Variants in DSCAM observed in about 807,000 individuals in gnomAD.
The protein encoded by DSCAM is DS cell adhesion molecule, also known as cell adhesion molecule DSCAM.
Under a neutral mutation model 217.7 loss-of-function variants are expected in DSCAM, and 47 were observed. The observed-to-expected ratio is 0.22, with a 90% CI of 0.17 to 0.28. The LOEUF is 0.28. DSCAM is among the 10% of genes least tolerant of loss of function. The pLI is 1.00. For synonymous variants in DSCAM, 1,056 were observed against 1,015.3 expected, an observed-to-expected ratio of 1.04 and a Z score of -0.76; for missense variants, 2,080 against 2,618.3, an observed-to-expected ratio of 0.79 and a Z score of 4.49.
At chr21:40,142,986 C>T (rs558291598) in intron 17 of DSCAM, among the ~76,000 whole-genome samples, 3 of 152,224 alleles carry the variant, frequency 2.0e-5, no homozygotes, top group East Asian at 3.9e-4. Context: ...GGACTTGAGT[C>T]GTGTACCCTT....
chr21:40,697,350 T>G (rs1016373935), intron 2 of DSCAM, among the ~76,000 whole-genome samples: 25 of 152,298 alleles, frequency 1.6e-4, no homozygotes, highest in African/African-American at 4.8e-4. Flanking sequence ...GTAATCCTAT[T>G]TGTCTATTTT....
rs1043532039 is a variant in DSCAM, at chr21:40,295,949, G to A, written c.2182+106C>T. ...ATAGGCTTGGTGGAAACAGAGATAC[G>A]TATCTACTTGCAAGAAACTTCTCTG... is the stretch of plus-strand genomic sequence containing the variant. On this transcript the variant is annotated intron_variant, in intron 10 of 32. Coordinates refer to ENST00000400454, the MANE Select transcript of DSCAM (RefSeq NM_001389.5). 6.0e-5 allele frequency: 81 copies of A among 1,343,882 alleles called. No individual in the cohort carries two copies. The African/African-American group carries it at 7.0e-4, about 12-fold the overall frequency. 83.2% of individuals were successfully genotyped at this position (1,343,882 alleles called of 1,614,324 possible).
At chr21:40,348,994 G>A (rs1039000808) in intron 5 of DSCAM, among the ~76,000 whole-genome samples, 13 of 151,460 alleles carry the variant, frequency 8.6e-5, no homozygotes, top group African/African-American at 3.1e-4. Context: ...ACAATTAGCC[G>A]GGCGTGGTGG....
At chr21:40,085,136 A>T (rs1205779036) in intron 23 of DSCAM, among the ~76,000 whole-genome samples, 2 of 152,234 alleles carry the variant, frequency 1.3e-5, no homozygotes, top group Non-Finnish European at 1.5e-5. Flanking sequence ...ATACATAGCT[A>T]AATACTACAG....
intron 32 of DSCAM, among the ~76,000 whole-genome samples, chr21:40,030,913 G>C (rs1455426590): frequency 6.6e-6 from 1 of 152,004 alleles, no homozygotes; most frequent in African/African-American, 2.4e-5. Context: ...ATGTACATGG[G>C]GTCTTCTGCA....
chr21:40,118,846 G>T (rs909376603), intron 20 of DSCAM, among the ~76,000 whole-genome samples: 13 of 152,190 alleles, frequency 8.5e-5, no homozygotes, highest in Non-Finnish European at 1.6e-4. Flanking sequence ...ACAGAAGGGT[G>T]ACATTGTCTA....
At chr21:40,140,886 T>C (rs1224235344) in intron 18 of DSCAM, among the ~76,000 whole-genome samples, 3 of 150,800 alleles carry the variant, frequency 2.0e-5, no homozygotes, top group African/African-American at 7.4e-5. Context: ...ATGAGCTCAG[T>C]GTCGAGTGGG....
At chr21:40,621,165 T>G (rs570284644) in intron 3 of DSCAM, 3 of 152,330 alleles carry the variant, frequency 2.0e-5, no homozygotes, top group Middle Eastern at 6.8e-3. Context: ...TCTAAGCATA[T>G]GTTCAAAAGA....
At chr21:40,111,408 A>G (rs113305534) in intron 20 of DSCAM, among the ~76,000 whole-genome samples, 2 of 151,904 alleles carry the variant, frequency 1.3e-5, no homozygotes, top group Non-Finnish European at 2.9e-5. Flanking sequence ...AAGAGCTCCT[A>G]AAGGAAGCAC....
chr21:40,696,302 G>A (rs114183471), intron 2 of DSCAM, among the ~76,000 whole-genome samples: 2,528 of 152,142 alleles, frequency 0.017, 55 homozygotes, highest in African/African-American at 0.058. Flanking sequence ...CTCCTTATTC[G>A]ACCCCAAAAG....
chr21:40,541,597 A>G lies in DSCAM; in HGVS notation c.508+151213T>C, dbSNP rs538571326. Among the ~76,000 whole-genome samples, 17 of 152,300 alleles carry G rather than the reference A, an allele frequency of 1.1e-4. No homozygotes were observed. In the South Asian group the frequency reaches 3.5e-3, roughly 32 times the overall value. On this transcript the variant is annotated intron_variant, in intron 3 of 32. Transcript: ENST00000400454. Reference sequence around the variant, plus strand: ...TTAAAATGTTTAATATATCACATATATGTGTATATTTGTGTGTGTGTGTGG... The same window carrying G: ...TTAAAATGTTTAATATATCACATATGTGTGTATATTTGTGTGTGTGTGTGG...
At chr21:40,033,872 G>A (rs372773556) in intron 32 of DSCAM, among the ~76,000 whole-genome samples, 78 of 137,040 alleles carry the variant, frequency 5.7e-4, no homozygotes, top group African/African-American at 1.8e-3. Context: ...CCCTGACCCC[G>A]GACCCCCGAG....
At chr21:40,352,411 T>G (rs767163275) in intron 5 of DSCAM, among the ~76,000 whole-genome samples, 5 of 152,212 alleles carry the variant, frequency 3.3e-5, no homozygotes, top group Non-Finnish European at 7.3e-5. Context: ...AATCCCAGAC[T>G]AAACATATTC....
chr21:40,811,414 A>C (rs1269793680), intron 1 of DSCAM, among the ~76,000 whole-genome samples: 1 of 152,224 alleles, frequency 6.6e-6, no homozygotes, highest in African/African-American at 2.4e-5. Flanking sequence ...CCTACCAAAT[A>C]CTTGATGCTT....
intron 32 of DSCAM, among the ~76,000 whole-genome samples, chr21:40,039,011 C>T (rs1198945266): frequency 8.9e-6 from 1 of 112,280 alleles, no homozygotes; most frequent in Non-Finnish European, 1.7e-5. Context: ...ACTCTGGGGA[C>T]TGTAGTGGGG....
intron 3 of DSCAM, among the ~76,000 whole-genome samples, chr21:40,414,469 T>C (rs2075352184): frequency 6.6e-6 from 1 of 152,180 alleles, no homozygotes. Context: ...AATTAAAACG[T>C]ACTGTGAAGA....
intron 1 of DSCAM, among the ~76,000 whole-genome samples, chr21:40,835,796 A>G (rs2092051192): frequency 6.6e-6 from 1 of 152,222 alleles, no homozygotes; most frequent in Non-Finnish European, 1.5e-5. Context: ...ATGTTTTGAA[A>G]AAATTAATCT....
intron 11 of DSCAM, among the ~76,000 whole-genome samples, chr21:40,211,961 A>G (rs1319264160): frequency 6.8e-6 from 1 of 146,188 alleles, no homozygotes; most frequent in African/African-American, 2.5e-5. Flanking sequence ...GAAATTCTGA[A>G]GCTTTTTTTT....
chr21:40,783,509 G>T (rs544104746), intron 1 of DSCAM, among the ~76,000 whole-genome samples: 1 of 152,244 alleles, frequency 6.6e-6, no homozygotes, highest in African/African-American at 2.4e-5. Context: ...CCACTAAAAG[G>T]CCTCAGTTCC....
Sources: gnomAD v4.1 joint callset for allele counts (sites outside exome capture counted in the v4.1 genomes callset) on GRCh38, gnomAD v4.1.1 for gene constraint, MANE v1.5 for transcripts, NCBI Gene and HGNC (gene_info 2026-07-23, HGNC 2026-07-21) for gene names.